The following TAFA4 variants were observed in gnomAD, a reference collection of about 807,000 sequenced individuals.
TAFA4 encodes TAFA chemokine like family member 4.
A neutral mutation model predicts 21.1 loss-of-function variants in TAFA4; 20 were observed. The observed-to-expected ratio is 0.95, with a 90% CI of 0.67 to 1.38. TAFA4 has a LOEUF of 1.38. Among genes scored for constraint, TAFA4 ranks in the 40% most tolerant of loss-of-function variants. The pLI is 0.00. For synonymous variants in TAFA4, 71 were observed against 67.4 expected (o/e 1.05, Z -0.26); for missense variants, 211 against 180.9 (o/e 1.17, Z -0.95).
At chr3:68,774,604 T>C (rs1391221517) in intron 3 of TAFA4, among the ~76,000 whole-genome samples, 1 of 152,194 alleles carries the variant, frequency 6.6e-6, no homozygotes, top group Non-Finnish European at 1.5e-5. Flanking sequence ...AATCAACAAA[T>C]GGTATTGGGT....
intron 4 of TAFA4, among the ~76,000 whole-genome samples, chr3:68,741,822 T>C (rs993091909): frequency 6.6e-6 from 1 of 151,276 alleles, no homozygotes; most frequent in Non-Finnish European, 1.5e-5. Flanking sequence ...ATAAAAACTC[T>C]CCACTTTCTC....
chr3:68,849,149 A>G (rs1388360803), intron 3 of TAFA4, among the ~76,000 whole-genome samples: 1 of 152,068 alleles, frequency 6.6e-6, no homozygotes, highest in Non-Finnish European at 1.5e-5. Context: ...AATAACACAT[A>G]TTTCCTTCTT....
intron 1 of TAFA4, among the ~76,000 whole-genome samples, chr3:68,886,431 G>A (rs1333980136): frequency 4.6e-5 from 7 of 152,072 alleles, no homozygotes; most frequent in Admixed American, 2.0e-4. Flanking sequence ...TTGTCCTTAC[G>A]TCCACCCAAC....
At chr3:68,745,725 G>T (rs967654598) in intron 4 of TAFA4, among the ~76,000 whole-genome samples, 1 of 152,140 alleles carries the variant, frequency 6.6e-6, no homozygotes, top group Admixed American at 6.5e-5. Context: ...CGGTTAAACA[G>T]AACACAATTA....
intron 1 of TAFA4, among the ~76,000 whole-genome samples, chr3:68,928,508 T>C (rs2090130011): frequency 6.6e-6 from 1 of 152,222 alleles, no homozygotes. Context: ...AACATCCATG[T>C]CTTTCCATGT....
At chr3:68,845,340 T>A (rs1250296351) in intron 3 of TAFA4, among the ~76,000 whole-genome samples, 1 of 152,186 alleles carries the variant, frequency 6.6e-6, no homozygotes, top group Non-Finnish European at 1.5e-5. Context: ...CCCCTACTTT[T>A]TTTTTGCTTT....
In TAFA4 at chr3:68,884,283, G is replaced by A. The variant is rs183183936; in HGVS notation, c.14+892C>T. 1.9e-3 allele frequency among the ~76,000 whole-genome samples: 290 copies of A among 152,264 alleles called. 2 individuals are homozygous for A. Among genetic ancestry groups the A allele is most frequent in the African/African-American group, 6.7e-3 (280 of 41,546 alleles). On this transcript the variant is annotated intron_variant, in intron 2 of 5. Transcript: ENST00000295569. ...ACTGGCTGGGTTCAGTCAAGGAAAC[G>A]CAACAGCTGGAGCCTGGAGAATAGG...
intron 2 of TAFA4, among the ~76,000 whole-genome samples, chr3:68,883,317 C>G (rs1032620686): frequency 1.3e-5 from 2 of 152,214 alleles, no homozygotes; most frequent in African/African-American, 4.8e-5. Context: ...TGCCACATGG[C>G]CCCTGCACGT....
intron 3 of TAFA4, among the ~76,000 whole-genome samples, chr3:68,821,326 CTTTTTTTTTTTTTTTTTTTTTT>C (rs575774839): frequency 2.7e-5 from 2 of 73,670 alleles, no homozygotes; most frequent in Non-Finnish European, 5.0e-5. Context: ...AACCTCCCTG[CTTTTTTTTTTTTTTTTTTTTTT>C]TTTTTTTTTT....
chr3:68,911,918 T>C (rs1002688515), intron 1 of TAFA4, among the ~76,000 whole-genome samples: 6 of 152,074 alleles, frequency 3.9e-5, no homozygotes, highest in African/African-American at 7.2e-5. Flanking sequence ...CGCTGGGAAA[T>C]CATTTCAATT....
chr3:68,869,038 A>T (rs1028769745), intron 3 of TAFA4, among the ~76,000 whole-genome samples: 1 of 152,004 alleles, frequency 6.6e-6, no homozygotes, highest in Non-Finnish European at 1.5e-5. Flanking sequence ...AAAAAAGAAC[A>T]CATAACAACT....
chr3:68,931,613 G>C (rs145694565), intron 1 of TAFA4, among the ~76,000 whole-genome samples: 4 of 152,160 alleles, frequency 2.6e-5, no homozygotes, highest in Admixed American at 2.6e-4. Flanking sequence ...CACCTTGGTG[G>C]GCAAATCTGA....
chr3:68,885,868 A>G (rs2089667615), intron 1 of TAFA4, among the ~76,000 whole-genome samples: 1 of 152,164 alleles, frequency 6.6e-6, no homozygotes, highest in Non-Finnish European at 1.5e-5. Context: ...TATAAAGAAC[A>G]CTTGTGAATA....
intron 3 of TAFA4, among the ~76,000 whole-genome samples, chr3:68,804,789 T>C (rs1470525309): frequency 1.3e-5 from 2 of 152,094 alleles, no homozygotes; most frequent in African/African-American, 4.8e-5. Context: ...TTACACCTTA[T>C]ACAAAAATTA....
intron 3 of TAFA4, among the ~76,000 whole-genome samples, chr3:68,762,761 G>A (rs921530130): frequency 2.0e-5 from 3 of 152,202 alleles, no homozygotes; most frequent in Admixed American, 6.5e-5. Context: ...TGTTGGGGCC[G>A]GGCACAGTGG....
intron 3 of TAFA4, among the ~76,000 whole-genome samples, chr3:68,779,300 T>C (rs1200047083): frequency 6.6e-6 from 1 of 152,116 alleles, no homozygotes; most frequent in Non-Finnish European, 1.5e-5. Flanking sequence ...GAAAATGAGA[T>C]AGAAAAGAAA....
At chr3:68,752,662 G>T (rs893258225) in intron 4 of TAFA4, among the ~76,000 whole-genome samples, 1 of 152,106 alleles carries the variant, frequency 6.6e-6, no homozygotes, top group Non-Finnish European at 1.5e-5. Context: ...ACTCCCCATT[G>T]GTACCCCTTG....
intron 1 of TAFA4, among the ~76,000 whole-genome samples, chr3:68,903,217 G>C (rs554037654): frequency 1.3e-5 from 2 of 152,182 alleles, no homozygotes; most frequent in South Asian, 2.1e-4. Flanking sequence ...CTTCAGCATA[G>C]GCTATAAAGC....
chr3:68,815,023 A>C (rs545125233), intron 3 of TAFA4, among the ~76,000 whole-genome samples: 2 of 152,314 alleles, frequency 1.3e-5, no homozygotes, highest in South Asian at 4.1e-4. Flanking sequence ...ATCTATAACT[A>C]TCTGATCTTT....
Sources: allele counts gnomAD v4.1 joint callset (sites outside exome capture counted in the v4.1 genomes callset), GRCh38; gene constraint gnomAD v4.1.1; transcripts MANE v1.5; gene names NCBI Gene and HGNC (gene_info 2026-07-23, HGNC 2026-07-21).